Variants in PAK5 observed in about 807,000 individuals in gnomAD.
PAK5 encodes the protein p21 (RAC1) activated kinase 5, also known as serine/threonine-protein kinase PAK 5.
In PAK5, 16 loss-of-function variants were observed where a neutral mutation model predicts 65.9. The ratio of observed to expected loss-of-function variants is 0.24; its 90% CI spans 0.16 to 0.37. PAK5 has a LOEUF of 0.37. PAK5 is among the 10% of genes least tolerant of loss of function. The pLI is 1.00. For synonymous variants in PAK5, 371 were observed against 354.9 expected, an observed-to-expected ratio of 1.05 and a Z score of -0.51; for missense variants, 785 against 903.9, an observed-to-expected ratio of 0.87 and a Z score of 1.69.
At chr20:9,797,340 T>C (rs1369981031) in intron 1 of PAK5, among the ~76,000 whole-genome samples, 1 of 151,988 alleles carries the variant, frequency 6.6e-6, no homozygotes, top group Non-Finnish European at 1.5e-5. Context: ...GTTCATGTCC[T>C]TTGTAGGGAC....
intron 1 of PAK5, among the ~76,000 whole-genome samples, chr20:9,792,065 G>A (rs901199828): frequency 6.6e-6 from 1 of 152,128 alleles, no homozygotes; most frequent in African/African-American, 2.4e-5. Flanking sequence ...CTACCAGACT[G>A]TAAGCACCTT....
In PAK5 at chr20:9,542,669, G is replaced by A; in HGVS notation, c.1921C>T (p.Pro641Ser). ...AGGGGAGGCTCATTGAAGTAGGGGG[G>A]CTCGCCATCAATCATTTCTATCACC... Reference protein sequence around the residue: ...IMVIEMIDGEPPYFNEPPLQA... With the variant: ...IMVIEMIDGESPYFNEPPLQA... Residue 641 changes from proline (P) to serine (S), a missense_variant, in exon 9 of 10, where the codon CCC becomes TCC. Physicochemically the swap from Pro to Ser is moderately conservative, Grantham distance 74. Around this residue, in one of 4 missense-constraint regions of PAK5, gnomAD observed 110 missense variants for 107.4 expected, o/e 1.02. Coordinates refer to ENST00000353224, the MANE Select transcript of PAK5 (RefSeq NM_177990.4). The A allele has an allele frequency of 6.2e-7, 1 of 1,613,770 alleles. No homozygotes were observed. The highest frequency in any genetic ancestry group is 8.5e-7 in the Non-Finnish European group (1 of 1,179,674).
At chr20:9,806,149 T>TTTAA (rs2049230193) in intron 1 of PAK5, among the ~76,000 whole-genome samples, 1 of 151,906 alleles carries the variant, frequency 6.6e-6, no homozygotes, top group Non-Finnish European at 1.5e-5. Context: ...TATTTATTTA[T>TTTAA]TTATTTATTT....
chr20:9,732,325 A>G (rs944539332), intron 1 of PAK5, among the ~76,000 whole-genome samples: 1 of 152,220 alleles, frequency 6.6e-6, no homozygotes, highest in Non-Finnish European at 1.5e-5. Flanking sequence ...TTTGCATTCC[A>G]GGAGATTATG....
intron 2 of PAK5, among the ~76,000 whole-genome samples, chr20:9,649,196 A>G (rs2047172536): frequency 6.6e-6 from 1 of 152,202 alleles, no homozygotes; most frequent in Non-Finnish European, 1.5e-5. Context: ...TGGCAGTTTG[A>G]TTCAGCATTA....
intron 6 of PAK5, among the ~76,000 whole-genome samples, chr20:9,560,130 G>T (rs7274551): frequency 2.6e-5 from 4 of 152,080 alleles, no homozygotes; most frequent in African/African-American, 9.7e-5. Flanking sequence ...GAATCTAACC[G>T]CTAGTCACTA....
At chr20:9,825,694 A>G (rs541331570) in intron 1 of PAK5, among the ~76,000 whole-genome samples, 1 of 152,324 alleles carries the variant, frequency 6.6e-6, no homozygotes, top group Admixed American at 6.5e-5. Flanking sequence ...AAATATCTCT[A>G]AACTCTATAC....
intron 4 of PAK5, 75 bp downstream of exon 4, chr20:9,580,070 T>G: frequency 7.9e-7 from 1 of 1,259,012 alleles, no homozygotes; most frequent in Non-Finnish European, 1.1e-6. Context: ...AATCCAATCG[T>G]ATAAAAAGGT....
intron 1 of PAK5, among the ~76,000 whole-genome samples, chr20:9,803,055 C>G (rs1261842599): frequency 6.6e-6 from 1 of 150,764 alleles, no homozygotes; most frequent in East Asian, 2.0e-4. Context: ...TATTTCAAGT[C>G]AGAAAATCAC....
intron 1 of PAK5, among the ~76,000 whole-genome samples, chr20:9,784,853 G>A (rs965400138): frequency 3.3e-5 from 5 of 151,798 alleles, no homozygotes; most frequent in Admixed American, 6.6e-5. Context: ...TTTGAATTTC[G>A]CAGTCTGCCT....
intron 1 of PAK5, among the ~76,000 whole-genome samples, chr20:9,719,396 T>G (rs760413046): frequency 1.6e-4 from 25 of 152,194 alleles, no homozygotes; most frequent in Non-Finnish European, 2.8e-4. Flanking sequence ...ACTCAGTTTT[T>G]GAAAACATCT....
chr20:9,586,068 G>A (rs569399709), intron 3 of PAK5, among the ~76,000 whole-genome samples: 3 of 152,256 alleles, frequency 2.0e-5, no homozygotes, highest in East Asian at 1.9e-4. Flanking sequence ...ACCATCTTTG[G>A]GGTCAGGATG....
intron 1 of PAK5, among the ~76,000 whole-genome samples, chr20:9,815,210 C>T (rs1295521277): frequency 2.0e-5 from 3 of 152,172 alleles, no homozygotes; most frequent in Non-Finnish European, 4.4e-5. Flanking sequence ...GGCCCACCTC[C>T]AACACTGAGG....
intron 1 of PAK5, among the ~76,000 whole-genome samples, chr20:9,769,850 T>C (rs1600351672): frequency 6.6e-6 from 1 of 152,234 alleles, no homozygotes; most frequent in African/African-American, 2.4e-5. Flanking sequence ...GGCATTGAAA[T>C]GAAATATTTA....
intron 1 of PAK5, among the ~76,000 whole-genome samples, chr20:9,831,536 C>T (rs918718723): frequency 9.9e-5 from 15 of 152,194 alleles, no homozygotes; most frequent in African/African-American, 3.6e-4. Context: ...AAGGCAGGGC[C>T]TCACTCTGTC....
intron 3 of PAK5, among the ~76,000 whole-genome samples, chr20:9,599,726 G>T (rs1433447573): frequency 1.3e-5 from 2 of 151,824 alleles, no homozygotes; most frequent in Non-Finnish European, 2.9e-5. Flanking sequence ...TTGCTGAGTT[G>T]TTACAGATTT....
At chr20:9,652,365 T>C (rs908966794) in intron 2 of PAK5, among the ~76,000 whole-genome samples, 3 of 152,180 alleles carry the variant, frequency 2.0e-5, no homozygotes, top group Admixed American at 6.5e-5. Flanking sequence ...ATTACATATT[T>C]GGGATCCATA....
At chr20:9,545,172 C>T (rs1205793046) in intron 7 of PAK5, among the ~76,000 whole-genome samples, 2 of 152,076 alleles carry the variant, frequency 1.3e-5, no homozygotes, top group East Asian at 3.8e-4. Flanking sequence ...TTAAGGTGGT[C>T]ATCCTAAGGG....
intron 1 of PAK5, among the ~76,000 whole-genome samples, chr20:9,781,034 A>G (rs943472587): frequency 6.6e-6 from 1 of 152,188 alleles, no homozygotes; most frequent in Non-Finnish European, 1.5e-5. Flanking sequence ...ATAGAGAAAA[A>G]TATTCAAATG....
Sources: allele counts gnomAD v4.1 joint callset (sites outside exome capture counted in the v4.1 genomes callset), GRCh38; gene constraint gnomAD v4.1.1; regional missense constraint gnomAD v4.1.1; transcripts MANE v1.5; gene names NCBI Gene and HGNC (gene_info 2026-07-23, HGNC 2026-07-21).